COL5A2: variants seen among roughly 807,000 people sequenced by gnomAD.
The protein encoded by COL5A2 is collagen type V alpha 2 chain.
COL5A2 carries 23 observed loss-of-function variants against 208.2 expected under a neutral mutation model. That is an observed-to-expected ratio of 0.11 (90% CI 0.08 to 0.16). The LOEUF is 0.16. Ranked by LOEUF, COL5A2 falls within the 10% of genes least tolerant of loss-of-function variation. The pLI, the probability that COL5A2 is intolerant of heterozygous loss-of-function variation, is 1.00. For synonymous variants in COL5A2, 625 were observed against 628.5 expected (o/e 0.99, Z 0.08); for missense variants, 1,590 against 1,956.4 (o/e 0.81, Z 3.53).
At chr2:189,055,111 C>T (rs763707106) in intron 35 of COL5A2, among the ~76,000 whole-genome samples, 1 of 152,116 alleles carries the variant, frequency 6.6e-6, no homozygotes, top group African/African-American at 2.4e-5. Context: ...TCTTGATCTC[C>T]TGCCCTCATG....
chr2:189,175,890 T>C (rs182334481), intron 1 of COL5A2, among the ~76,000 whole-genome samples: 1 of 152,344 alleles, frequency 6.6e-6, no homozygotes, highest in Non-Finnish European at 1.5e-5. Flanking sequence ...TACTGTGTTC[T>C]GCTACATGTA....
chr2:189,092,511 T>C (rs1191680491), intron 6 of COL5A2, 91 bp from the exon 7 acceptor site: 1 of 795,746 alleles, frequency 1.3e-6, no homozygotes, highest in African/African-American at 1.7e-5. Flanking sequence ...GGCAAGGGAG[T>C]GTTTATTATT....
At chr2:189,315,235 C>A in the COL5A2 span, among the ~76,000 whole-genome samples, 1 of 152,150 alleles carries the variant, frequency 6.6e-6, no homozygotes, top group Non-Finnish European at 1.5e-5. Flanking sequence ...GCTGATCCAC[C>A]ACAATCAAGT....
At chr2:189,323,514 T>C in the COL5A2 span, among the ~76,000 whole-genome samples, 1 of 151,756 alleles carries the variant, frequency 6.6e-6, no homozygotes, top group Admixed American at 6.6e-5. Flanking sequence ...ACAAGCATTC[T>C]TATACACCAA....
At chr2:189,302,278 C>T in the COL5A2 span, among the ~76,000 whole-genome samples, 2 of 152,104 alleles carry the variant, frequency 1.3e-5, no homozygotes, top group African/African-American at 2.4e-5. Flanking sequence ...ATTTAAAACT[C>T]GAAAGCTTCT....
intron 1 of COL5A2, among the ~76,000 whole-genome samples, chr2:189,155,467 A>T (rs943683091): frequency 6.6e-6 from 1 of 152,176 alleles, no homozygotes; most frequent in Non-Finnish European, 1.5e-5. Context: ...ACTGTCCAAG[A>T]CAAGTTTCTA....
intron 1 of COL5A2, among the ~76,000 whole-genome samples, chr2:189,187,181 G>T (rs1559141113): frequency 6.6e-6 from 1 of 152,150 alleles, no homozygotes; most frequent in African/African-American, 2.4e-5. Context: ...CAATAACTCA[G>T]TGAAATAATA....
At chr2:189,379,931 T>C in the COL5A2 span, among the ~76,000 whole-genome samples, 1 of 152,158 alleles carries the variant, frequency 6.6e-6, no homozygotes, top group Admixed American at 6.6e-5. Flanking sequence ...CCCATCTACT[T>C]CCCTAGTAGT....
the COL5A2 span, among the ~76,000 whole-genome samples, chr2:189,298,217 G>T: frequency 5.9e-5 from 9 of 152,154 alleles, no homozygotes; most frequent in East Asian, 1.7e-3. Flanking sequence ...TGTTTGACTG[G>T]CTGCTATTAT....
the COL5A2 span, among the ~76,000 whole-genome samples, chr2:189,251,979 G>T: frequency 1.3e-5 from 2 of 152,164 alleles, no homozygotes; most frequent in Non-Finnish European, 2.9e-5. Context: ...CTCAAAAGAA[G>T]ACATTTATGC....
At chr2:189,334,743 T>C in the COL5A2 span, among the ~76,000 whole-genome samples, 276 of 152,076 alleles carry the variant, frequency 1.8e-3, 3 homozygotes, top group Non-Finnish European at 1.3e-3. Flanking sequence ...AAAATTTGTA[T>C]TGAACGACAA....
intron 24 of COL5A2, 39 bp downstream of exon 24, chr2:189,064,965 C>G (rs370423199): frequency 6.3e-7 from 1 of 1,595,066 alleles, no homozygotes; most frequent in Non-Finnish European, 8.6e-7. Flanking sequence ...TTCTGGAGCA[C>G]CCCCCACGTA....
chr2:189,221,572 A>G (rs1054085828), intron 1 of COL5A2, among the ~76,000 whole-genome samples: 2 of 152,124 alleles, frequency 1.3e-5, no homozygotes, highest in African/African-American at 2.4e-5. Flanking sequence ...CTGAAAGCAC[A>G]TATTTGATGT....
At position 189,177,825 on chromosome 2, in the gene COL5A2, A is replaced by C. The variant is rs144536846; in HGVS notation, c.97+1683T>G. Among the ~76,000 whole-genome samples, 9 of 152,302 alleles carry C rather than the reference A, an allele frequency of 5.9e-5. No individual in the cohort carries two copies. In the East Asian group the frequency reaches 1.7e-3, roughly 29 times the overall value. On this transcript the variant is annotated intron_variant, in intron 1 of 53. Coordinates refer to ENST00000374866, the MANE Select transcript of COL5A2 (RefSeq NM_000393.5). ...ACTATTTGGGAATGTCTTTTAAAAT[A>C]TGGCTTATTTCATGTACCTTGTGAA... is the stretch of plus-strand genomic sequence containing the variant.
At chr2:189,328,061 T>C in the COL5A2 span, among the ~76,000 whole-genome samples, 4 of 152,188 alleles carry the variant, frequency 2.6e-5, no homozygotes. Context: ...CCAACTTCAT[T>C]CTTTCTCTAT....
intron 1 of COL5A2, among the ~76,000 whole-genome samples, chr2:189,198,151 A>G (rs1398315963): frequency 6.6e-6 from 1 of 152,170 alleles, no homozygotes; most frequent in Non-Finnish European, 1.5e-5. Context: ...CATTACCCCT[A>G]CCTGAAGAAG....
At chr2:189,419,839 A>C in the COL5A2 span, among the ~76,000 whole-genome samples, 6 of 146,626 alleles carry the variant, frequency 4.1e-5, no homozygotes, top group Admixed American at 3.4e-4. Flanking sequence ...GAGGAGAGGA[A>C]AGGAAAGGAA....
chr2:189,224,357 G>C (rs1689385577), intron 1 of COL5A2, among the ~76,000 whole-genome samples: 1 of 151,902 alleles, frequency 6.6e-6, no homozygotes, highest in Non-Finnish European at 1.5e-5. Flanking sequence ...TATAGAACAG[G>C]ATATAATAAA....
At chr2:189,232,484 G>C in the COL5A2 span, among the ~76,000 whole-genome samples, 2 of 151,582 alleles carry the variant, frequency 1.3e-5, no homozygotes, top group African/African-American at 4.8e-5. Context: ...AATATACTGA[G>C]TTCCTACAAT....
Sources: allele counts gnomAD v4.1 joint callset (sites outside exome capture counted in the v4.1 genomes callset), GRCh38; gene constraint gnomAD v4.1.1; transcripts MANE v1.5; gene names NCBI Gene and HGNC (gene_info 2026-07-23, HGNC 2026-07-21).